STXBP5L: variants seen among roughly 807,000 people sequenced by gnomAD.
STXBP5L encodes syntaxin binding protein 5L.
In STXBP5L, 65 loss-of-function variants were observed where a neutral mutation model predicts 144.5. The ratio of observed to expected loss-of-function variants is 0.45; its 90% CI spans 0.37 to 0.55. The LOEUF (loss-of-function observed/expected upper bound fraction) is 0.55. Ranked by LOEUF, STXBP5L falls within the 20% of genes least tolerant of loss-of-function variation. The pLI, the probability that STXBP5L is intolerant of heterozygous loss-of-function variation, is 0.00. For missense variants in STXBP5L, 1,298 were observed against 1,405.5 expected, an observed-to-expected ratio of 0.92 and a Z score of 1.22; for synonymous variants, 505 against 469.6, an observed-to-expected ratio of 1.08 and a Z score of -0.97.
At chr3:120,945,116 A>G (rs1409206319) in intron 2 of STXBP5L, among the ~76,000 whole-genome samples, 2 of 151,782 alleles carry the variant, frequency 1.3e-5, no homozygotes, top group Non-Finnish European at 2.9e-5. Context: ...ATATCAATTC[A>G]TGACTTACTG....
intron 2 of STXBP5L, among the ~76,000 whole-genome samples, chr3:120,911,013 C>T (rs952802496): frequency 1.3e-5 from 2 of 152,062 alleles, no homozygotes; most frequent in Non-Finnish European, 2.9e-5. Context: ...CAAATTTGAA[C>T]TGCTAGGCAG....
At chr3:121,367,790 CTTTTTTTT>C (rs200992044) in intron 20 of STXBP5L, among the ~76,000 whole-genome samples, 1 of 106,304 alleles carries the variant, frequency 9.4e-6, no homozygotes, top group African/African-American at 3.8e-5. Flanking sequence ...TTTGCTTTTC[CTTTTTTTT>C]TTTTTTTGTA....
intron 9 of STXBP5L, among the ~76,000 whole-genome samples, chr3:121,168,859 C>G (rs1380476553): frequency 6.6e-6 from 1 of 151,982 alleles, no homozygotes; most frequent in South Asian, 2.1e-4. Flanking sequence ...AGATACTCCT[C>G]GAGAAGAGCA....
intron 13 of STXBP5L, among the ~76,000 whole-genome samples, 192 bp from the exon 14 acceptor site, chr3:121,240,248 G>T (rs113937576): frequency 0.019 from 2,939 of 152,162 alleles, 89 homozygotes; most frequent in African/African-American, 0.066. Context: ...TATTTTTAAG[G>T]GAGATGGAAT....
chr3:121,283,732 C>G (rs1052042694), intron 19 of STXBP5L, among the ~76,000 whole-genome samples: 1 of 151,970 alleles, frequency 6.6e-6, no homozygotes, highest in Non-Finnish European at 1.5e-5. Context: ...TTTGCTGATT[C>G]CTGCTCTGTG....
intron 2 of STXBP5L, among the ~76,000 whole-genome samples, chr3:120,953,126 T>C (rs1212366018): frequency 1.3e-5 from 2 of 151,914 alleles, no homozygotes; most frequent in Admixed American, 1.3e-4. Flanking sequence ...TCTAAGCAAT[T>C]GTCAGGCATT....
intron 2 of STXBP5L, among the ~76,000 whole-genome samples, chr3:120,952,502 C>G (rs934565216): frequency 2.6e-5 from 4 of 151,696 alleles, no homozygotes; most frequent in African/African-American, 7.3e-5. Flanking sequence ...ATACAATTGA[C>G]TTTTTATTTT....
At chr3:121,274,877 G>A (rs1413534815) in intron 18 of STXBP5L, among the ~76,000 whole-genome samples, 5 of 152,170 alleles carry the variant, frequency 3.3e-5, no homozygotes, top group South Asian at 4.1e-4. Context: ...GTCAGGTCAC[G>A]ACAGGGGCAG....
At chr3:121,007,502 A>G (rs1301873431) in intron 3 of STXBP5L, among the ~76,000 whole-genome samples, 2 of 152,012 alleles carry the variant, frequency 1.3e-5, no homozygotes, top group Non-Finnish European at 2.9e-5. Flanking sequence ...CAGTGAAACC[A>G]TTTGGGTATG....
chr3:121,162,113 G>A (rs905898386), intron 9 of STXBP5L, among the ~76,000 whole-genome samples: 3 of 151,892 alleles, frequency 2.0e-5, no homozygotes, highest in African/African-American at 4.8e-5. Context: ...AGAATACATG[G>A]GAATAAGCCT....
chr3:121,009,589 C>A (rs756072061), intron 3 of STXBP5L, among the ~76,000 whole-genome samples: 4 of 151,942 alleles, frequency 2.6e-5, no homozygotes, highest in Non-Finnish European at 5.9e-5. Flanking sequence ...TCTTATTTCT[C>A]CTCTTTGTGG....
At chr3:121,051,358 T>G (rs1448392564) in intron 5 of STXBP5L, among the ~76,000 whole-genome samples, 1 of 152,056 alleles carries the variant, frequency 6.6e-6, no homozygotes, top group Non-Finnish European at 1.5e-5. Flanking sequence ...TCAGCAAATG[T>G]AAAAGAACAG....
At chr3:121,012,053 T>G (rs183761296) in intron 3 of STXBP5L, among the ~76,000 whole-genome samples, 1 of 152,088 alleles carries the variant, frequency 6.6e-6, no homozygotes, top group East Asian at 1.9e-4. Context: ...AAATTTTATA[T>G]AAATGAAATC....
At chr3:121,054,010 T>A (rs1328387038) in intron 5 of STXBP5L, among the ~76,000 whole-genome samples, 1 of 152,102 alleles carries the variant, frequency 6.6e-6, no homozygotes, top group Non-Finnish European at 1.5e-5. Flanking sequence ...TCACTGGCCA[T>A]CAGAGAAATG....
chr3:121,087,836 AC>A (rs2042571967), intron 5 of STXBP5L, among the ~76,000 whole-genome samples: 1 of 151,862 alleles, frequency 6.6e-6, no homozygotes, highest in South Asian at 2.1e-4. Flanking sequence ...TCTTTGTATC[AC>A]TTTTTAAAGA....
At chr3:120,941,799 G>A (rs1197662448) in intron 2 of STXBP5L, among the ~76,000 whole-genome samples, 3 of 151,628 alleles carry the variant, frequency 2.0e-5, no homozygotes, top group South Asian at 4.1e-4. Flanking sequence ...TTATAAAGGA[G>A]TTTAGAACTT....
At chr3:120,996,122 A>G (rs1943327286) in intron 3 of STXBP5L, among the ~76,000 whole-genome samples, 1 of 152,120 alleles carries the variant, frequency 6.6e-6, no homozygotes, top group African/African-American at 2.4e-5. Flanking sequence ...GCTATCATTC[A>G]AATTCATTTT....
At chr3:121,060,032 G>A (rs1472634815) in intron 5 of STXBP5L, among the ~76,000 whole-genome samples, 3 of 152,144 alleles carry the variant, frequency 2.0e-5, no homozygotes, top group Non-Finnish European at 4.4e-5. Context: ...GTGAGAGAGG[G>A]CATCCTTGTC....
chr3:121,346,292 T>G (rs1244199979), intron 20 of STXBP5L, among the ~76,000 whole-genome samples: 1 of 152,126 alleles, frequency 6.6e-6, no homozygotes, highest in Non-Finnish European at 1.5e-5. Context: ...TCATCATTTT[T>G]ATGGTTGCAT....
Sources: allele counts gnomAD v4.1 joint callset (sites outside exome capture counted in the v4.1 genomes callset), GRCh38; gene constraint gnomAD v4.1.1; transcripts MANE v1.5; gene names NCBI Gene and HGNC (gene_info 2026-07-23, HGNC 2026-07-21).